The following RERE variants were observed in gnomAD, a reference collection of about 807,000 sequenced individuals.
The protein encoded by RERE is arginine-glutamic acid dipeptide repeats, also known as arginine-glutamic acid dipeptide repeats protein.
RERE carries 40 observed loss-of-function variants against 146.1 expected under a neutral mutation model. The observed-to-expected ratio is 0.27, with a 90% CI of 0.21 to 0.36. RERE has a LOEUF of 0.36. Ranked by LOEUF, RERE falls within the 10% of genes least tolerant of loss-of-function variation. The pLI is 1.00. For synonymous variants in RERE, 1,003 were observed against 866.0 expected (o/e 1.16, Z -2.78); for missense variants, 1,933 against 2,138.7 (o/e 0.90, Z 1.90).
chr1:8,409,420 GAC>G (rs1299920169), intron 12 of RERE, among the ~76,000 whole-genome samples: 2 of 152,222 alleles, frequency 1.3e-5, no homozygotes, highest in Non-Finnish European at 2.9e-5. Context: ...CTTCTGTCGG[GAC>G]ACAGTTCCTG....
chr1:8,494,225 T>A (rs1314172872), intron 10 of RERE, among the ~76,000 whole-genome samples: 3 of 152,246 alleles, frequency 2.0e-5, no homozygotes, highest in Non-Finnish European at 2.9e-5. Flanking sequence ...AATATTAACA[T>A]GTTCCAAAGT....
At chr1:8,359,705 G>A in intron 19 of RERE, 59 bp downstream of exon 19, 1 of 1,560,494 alleles carries the variant, frequency 6.4e-7, no homozygotes, top group Non-Finnish European at 8.7e-7. Flanking sequence ...GCCCAGCGTG[G>A]CTCCCAGGCG....
chr1:8,399,663 G>A (rs1266724953), intron 12 of RERE, among the ~76,000 whole-genome samples: 2 of 152,078 alleles, frequency 1.3e-5, no homozygotes, highest in Non-Finnish European at 2.9e-5. Flanking sequence ...TCCTGTTAAA[G>A]TTTTGATTGA....
intron 8 of RERE, among the ~76,000 whole-genome samples, chr1:8,503,213 T>C (rs956661703): frequency 6.6e-6 from 1 of 152,106 alleles, no homozygotes; most frequent in East Asian, 1.9e-4. Flanking sequence ...CATACTGACA[T>C]AAAGCCAAAT....
At chr1:8,638,267 A>G (rs1003894518) in intron 2 of RERE, among the ~76,000 whole-genome samples, 7 of 152,306 alleles carry the variant, frequency 4.6e-5, no homozygotes, top group Middle Eastern at 3.4e-3. Context: ...TATAAACATT[A>G]TTTTGAGATG....
intron 2 of RERE, among the ~76,000 whole-genome samples, chr1:8,633,470 C>G (rs1647059888): frequency 6.6e-6 from 1 of 152,106 alleles, no homozygotes; most frequent in Admixed American, 6.5e-5. Flanking sequence ...CACACACACA[C>G]ACACACAAAA....
intron 1 of RERE, among the ~76,000 whole-genome samples, chr1:8,695,579 A>G (rs1557486845): frequency 8.9e-6 from 1 of 112,712 alleles, no homozygotes; most frequent in Non-Finnish European, 1.7e-5. Flanking sequence ...GTGAAGCTCC[A>G]TTTCTACTAA....
intron 10 of RERE, among the ~76,000 whole-genome samples, chr1:8,489,343 A>C (rs7521809): frequency 6.6e-6 from 1 of 150,862 alleles, no homozygotes; most frequent in Non-Finnish European, 1.5e-5. Context: ...CTTGGTGACA[A>C]AGTGAGACTT....
At chr1:8,442,348 C>T (rs929009021) in intron 11 of RERE, among the ~76,000 whole-genome samples, 2 of 148,198 alleles carry the variant, frequency 1.3e-5, no homozygotes, top group African/African-American at 5.0e-5. Flanking sequence ...GGTGCCGCCA[C>T]TGCAGTCCAG....
At chr1:8,544,389 C>T (rs1230865863) in intron 6 of RERE, among the ~76,000 whole-genome samples, 2 of 152,098 alleles carry the variant, frequency 1.3e-5, no homozygotes, top group African/African-American at 2.4e-5. Flanking sequence ...CTAGGAACAA[C>T]CCAAATGTGC....
chr1:8,663,854 C>T (rs1365019039), intron 1 of RERE, among the ~76,000 whole-genome samples: 1 of 152,122 alleles, frequency 6.6e-6, no homozygotes, highest in African/African-American at 2.4e-5. Context: ...CCTTCAGTCC[C>T]TAGAACCCAA....
At position 8,435,060 on chromosome 1, in the gene RERE, G is replaced by A. The variant is rs193266529; in HGVS notation, c.1204-12253C>T. Among the ~76,000 whole-genome samples, 10 of 152,342 alleles carry A rather than the reference G, an allele frequency of 6.6e-5. No individual in the cohort carries two copies. In the South Asian group the frequency reaches 8.3e-4, roughly 13 times the overall value. On this transcript the variant is annotated intron_variant, in intron 11 of 22. Coordinates refer to ENST00000400908, the MANE Select transcript of RERE (RefSeq NM_001042681.2). Reference sequence around the variant, plus strand: ...TATCAGGGGTAACGTGTTACATAGCGATAGGCAACTAATACAAGATTCATT... The same window carrying A: ...TATCAGGGGTAACGTGTTACATAGCAATAGGCAACTAATACAAGATTCATT...
intron 11 of RERE, among the ~76,000 whole-genome samples, chr1:8,428,799 A>G (rs149746953): frequency 4.5e-4 from 68 of 152,330 alleles, no homozygotes; most frequent in African/African-American, 1.6e-3. Flanking sequence ...AAAAATAACA[A>G]TAACATAAAA....
intron 2 of RERE, among the ~76,000 whole-genome samples, chr1:8,626,803 G>A (rs11121209): frequency 0.6 from 90,570 of 152,050 alleles, 27,536 homozygotes; most frequent in East Asian, 0.83. Context: ...GCCCCTCTCC[G>A]GTTTATTCTC....
rs562035019 is a variant in RERE, at chr1:8,416,452, G to A, written c.1284+6275C>T. 1.3e-4 allele frequency among the ~76,000 whole-genome samples: 20 copies of A among 152,092 alleles called. No individual in the cohort carries two copies. The East Asian group carries it at 3.3e-3, about 25-fold the overall frequency. On this transcript the variant is annotated intron_variant, in intron 12 of 22. Transcript: ENST00000400908. Reference sequence around the variant, plus strand: ...ACACAAAAAATTAGCCAGGCGTGGTGGCGGGCGCCTGTAGTCCCAGCTACT... The same window carrying A: ...ACACAAAAAATTAGCCAGGCGTGGTAGCGGGCGCCTGTAGTCCCAGCTACT...
At chr1:8,764,303 C>T (rs1293928713) in intron 1 of RERE, among the ~76,000 whole-genome samples, 5 of 152,124 alleles carry the variant, frequency 3.3e-5, no homozygotes, top group Non-Finnish European at 7.3e-5. Flanking sequence ...TCTATAGGAT[C>T]CCAGCCAGGT....
intron 1 of RERE, among the ~76,000 whole-genome samples, chr1:8,717,071 ATCAC>A (rs1208947780): frequency 2.0e-5 from 3 of 152,240 alleles, no homozygotes; most frequent in Non-Finnish European, 4.4e-5. Flanking sequence ...TGAGAAATAC[ATCAC>A]TAACTAAAGT....
intron 10 of RERE, among the ~76,000 whole-genome samples, chr1:8,494,190 T>C (rs573030710): frequency 6.6e-6 from 1 of 152,336 alleles, no homozygotes; most frequent in African/African-American, 2.4e-5. Context: ...AAATTATTCG[T>C]GTAAAACTTT....
intron 1 of RERE, among the ~76,000 whole-genome samples, chr1:8,798,994 T>C (rs752355285): frequency 8.4e-5 from 12 of 142,380 alleles, no homozygotes; most frequent in Admixed American, 1.5e-4. Flanking sequence ...GCCCGGCCTT[T>C]TTGTTTTTGT....
Sources: gnomAD v4.1 joint callset for allele counts (sites outside exome capture counted in the v4.1 genomes callset) on GRCh38, gnomAD v4.1.1 for gene constraint, MANE v1.5 for transcripts, NCBI Gene and HGNC (gene_info 2026-07-23, HGNC 2026-07-21) for gene names.